The following ZGPAT variants were observed in gnomAD, a reference collection of about 807,000 sequenced individuals.
The protein encoded by ZGPAT is zinc finger CCCH-type and G-patch domain containing, also known as zinc finger CCCH-type with G patch domain-containing protein.
ZGPAT carries 39 observed loss-of-function variants against 47.9 expected under a neutral mutation model. That is an observed-to-expected ratio of 0.81 (90% CI 0.63 to 1.06). The LOEUF is 1.06. Among genes scored for constraint, ZGPAT ranks in the 50% least tolerant of loss-of-function variants. The pLI is 0.00. For synonymous variants in ZGPAT, 348 were observed against 292.9 expected, an observed-to-expected ratio of 1.19 and a Z score of -1.92; for missense variants, 717 against 681.4, an observed-to-expected ratio of 1.05 and a Z score of -0.58.
chr20:63,734,127 G>T (rs1382124961), intron 4 of ZGPAT: 1 of 291,350 alleles, frequency 3.4e-6, no homozygotes. Context: ...GACAGAGGTT[G>T]TGTCCAGACA....
intron 2 of ZGPAT, among the ~76,000 whole-genome samples, chr20:63,709,852 A>G (rs531894096): frequency 6.6e-6 from 1 of 150,710 alleles, no homozygotes; most frequent in East Asian, 2.0e-4. Context: ...TAATTTTTAT[A>G]TTACTATAAT....
chr20:63,720,011 G>T (rs1417840471), intron 2 of ZGPAT, among the ~76,000 whole-genome samples: 1 of 151,944 alleles, frequency 6.6e-6, no homozygotes, highest in Non-Finnish European at 1.5e-5. Context: ...CAAAATGCTG[G>T]GATTACAGAT....
chr20:63,715,518 C>T (rs978293228), intron 2 of ZGPAT, among the ~76,000 whole-genome samples: 3 of 152,074 alleles, frequency 2.0e-5, no homozygotes, highest in Non-Finnish European at 4.4e-5. Context: ...GGATTACAGG[C>T]GTGAGCCACC....
chr20:63,708,794 G>A lies in ZGPAT; in HGVS notation c.214G>A (p.Gly72Ser). The change falls in exon 2 of 7, where the codon GGC (glycine) becomes AGC (serine). Residue 72 changes from glycine to serine, a missense_variant. Physicochemically the swap from Gly to Ser is moderately conservative, Grantham distance 56. Transcript: ENST00000355969. ...GGCCGCGCTGGACGAAGAGCGCCCG[G>A]GCCGCCAGGAAGATGCTGAGTACCA... The part of the protein sequence containing the change: ...LLAALDEERP[G>S]RQEDAEYQAF... 2 of 1,606,240 alleles carry A rather than the reference G, an allele frequency of 1.2e-6. No homozygotes were observed. Among genetic ancestry groups the A allele is most frequent in the Non-Finnish European group, 8.5e-7 (1 of 1,174,684 alleles).
In ZGPAT at chr20:63,735,282, C is replaced by A. The variant is rs760436621; in HGVS notation, c.1115C>A (p.Thr372Asn). The A allele has an allele frequency of 1.2e-6, 2 of 1,606,022 alleles. No homozygotes were observed. The highest frequency in any genetic ancestry group is 1.7e-6 in the Non-Finnish European group (2 of 1,176,286). Residue 372 changes from threonine to asparagine, a missense_variant, in exon 6 of 7, where the codon ACC (threonine) becomes AAC (asparagine). Transcript: ENST00000355969. ...QKQTRVGKAG[T>N]NKPPRCRGRG... The stretch of plus-strand genomic sequence containing the variant: ...CAGACCAGGGTTGGCAAGGCTGGCA[C>A]CAACAAGCCCCCCAGGTGCCGGGGA...
In ZGPAT at chr20:63,733,287, T is replaced by G; in HGVS notation, c.653T>G (p.Leu218Arg). 6.2e-7 allele frequency: 1 copy of G among 1,613,744 alleles called. No homozygotes were observed. Among genetic ancestry groups the G allele is most frequent in the Non-Finnish European group, 8.5e-7 (1 of 1,179,964 alleles). The change falls in exon 3 of 7, where the codon CTG (leucine) becomes CGG (arginine). Residue 218 changes from leucine to arginine, a missense_variant. Coordinates refer to ENST00000355969, the MANE Select transcript of ZGPAT (RefSeq NM_181485.3). ...TTCCAGGACCCAGACCTGAGCTCCCTGCAGGCCGGCTCTGCGTGTCTGGCC... is the reference window on the plus strand; with the variant it reads ...TTCCAGGACCCAGACCTGAGCTCCCGGCAGGCCGGCTCTGCGTGTCTGGCC... ...RPFQDPDLSS[L>R]QAGSACLAKH...
chr20:63,724,673 A>ATTTT lies in ZGPAT; in HGVS notation c.585-8531_585-8528dup, dbSNP rs34414685. Among the ~76,000 whole-genome samples the ATTTT allele has an allele frequency of 8.0e-5, 11 of 137,434 alleles. 1 individual carries two copies. Among genetic ancestry groups the ATTTT allele is most frequent in the African/African-American group, 2.5e-4 (9 of 36,576 alleles). 90.2% of individuals were successfully genotyped at this position (137,434 alleles called of 152,430 possible). ...TTTAGTCTGAAGAACTTCATTTAGA[A>ATTTT]TTTTTTTTTTTTTTTTTTGAGACAA... is the stretch of plus-strand genomic sequence containing the variant. On this transcript the variant is annotated intron_variant, in intron 2 of 6. Transcript: ENST00000355969.
At chr20:63,721,517 G>A (rs1568791232) in intron 2 of ZGPAT, among the ~76,000 whole-genome samples, 2 of 152,118 alleles carry the variant, frequency 1.3e-5, no homozygotes, top group Admixed American at 6.5e-5. Context: ...TGAAAGTTGA[G>A]GGCCTCCTCA....
At chr20:63,709,618 C>T (rs1235382714) in intron 2 of ZGPAT, among the ~76,000 whole-genome samples, 2 of 152,094 alleles carry the variant, frequency 1.3e-5, no homozygotes, top group East Asian at 3.9e-4. Context: ...GCCCGAGCAG[C>T]AGTGCAAGGC....
Position 63,708,981 on chromosome 20 carries a change from T to G in ZGPAT, c.401T>G (p.Val134Gly). ...EDEEELSGTK[V>G]SAPYYSSWGT... ...GAGGAAGAGCTGAGTGGGACAAAGGTGAGCGCGCCCTACTACAGCTCCTGG... is the reference window on the plus strand; with the variant it reads ...GAGGAAGAGCTGAGTGGGACAAAGGGGAGCGCGCCCTACTACAGCTCCTGG... Residue 134 changes from valine to glycine, a missense_variant, in exon 2 of 7, where the codon GTG (valine) becomes GGG (glycine). Val to Gly is a moderately radical substitution (Grantham distance 109). Transcript: ENST00000355969. 6.2e-7 allele frequency: 1 copy of G among 1,613,006 alleles called. No individual in the cohort carries two copies. Among genetic ancestry groups the G allele is most frequent in the Non-Finnish European group, 8.5e-7 (1 of 1,179,856 alleles).
chr20:63,727,227 GAT>G (rs2091853923), intron 2 of ZGPAT, among the ~76,000 whole-genome samples: 1 of 39,216 alleles, frequency 2.5e-5, no homozygotes, highest in Non-Finnish European at 5.8e-5. Context: ...ATTTCCATTT[GAT>G]TTTTTTTTTT....
rs528455851 is a variant in ZGPAT at position 63,712,633 on chromosome 20, C to A, written c.584+3469C>A. The stretch of plus-strand genomic sequence containing the variant: ...CCTTCTGGCTGGGTGTGGTGGCTGA[C>A]GCCTGTAATCCCAGTACTTTGGGAG... On this transcript the variant is annotated intron_variant, in intron 2 of 6. Transcript: ENST00000355969. 3.9e-5 allele frequency among the ~76,000 whole-genome samples: 6 copies of A among 152,236 alleles called. No homozygotes were observed. The East Asian group carries it at 1.2e-3, about 29-fold the overall frequency.
At chr20:63,712,662 G>T (rs1170145252) in intron 2 of ZGPAT, among the ~76,000 whole-genome samples, 2 of 152,202 alleles carry the variant, frequency 1.3e-5, no homozygotes, top group African/African-American at 4.8e-5. Context: ...TTGGGAGGCT[G>T]AGGCGGGCAT....
intron 2 of ZGPAT, among the ~76,000 whole-genome samples, chr20:63,732,100 T>TGCGGGC (rs2091910961): frequency 2.0e-5 from 3 of 151,974 alleles, no homozygotes; most frequent in Non-Finnish European, 4.4e-5. Flanking sequence ...CATGTATGTG[T>TGCGGGC]ATATGCATAT....
chr20:63,731,225 G>C (rs1405173092), intron 2 of ZGPAT, among the ~76,000 whole-genome samples: 1 of 152,070 alleles, frequency 6.6e-6, no homozygotes, highest in Non-Finnish European at 1.5e-5. Context: ...GGACACACGG[G>C]GCATATTCTG....
At chr20:63,716,454 A>G (rs2091729658) in intron 2 of ZGPAT, among the ~76,000 whole-genome samples, 1 of 151,580 alleles carries the variant, frequency 6.6e-6, no homozygotes, top group South Asian at 2.1e-4. Context: ...TTTCTGTAAG[A>G]TCAGTAGTAA....
rs1456953260 is a variant in ZGPAT at position 63,708,721 on chromosome 20, C to G, written c.141C>G (p.Ile47Met). ...RQLQGDLKEL[I>M]ELTEASLVSV... ...TGCAGGGGGACCTGAAGGAGCTCAT[C>G]GAGCTCACCGAGGCCAGCCTGGTGT... The change falls in exon 2 of 7, where the codon ATC becomes ATG. Residue 47 changes from isoleucine (I) to methionine (M), a missense_variant. Physicochemically the swap from Ile to Met is conservative, Grantham distance 10. Coordinates refer to ENST00000355969, the MANE Select transcript of ZGPAT (RefSeq NM_181485.3). 1.8e-5 allele frequency: 29 copies of G among 1,612,638 alleles called. No individual in the cohort carries two copies. Among genetic ancestry groups the G allele is most frequent in the African/African-American group, 4.0e-5 (3 of 74,924 alleles).
intron 2 of ZGPAT, among the ~76,000 whole-genome samples, chr20:63,720,297 A>AAGT (rs2091774614): frequency 3.3e-5 from 5 of 151,990 alleles, no homozygotes; most frequent in African/African-American, 4.8e-5. Flanking sequence ...CTGGGACTAT[A>AAGT]GGTGCGTGCC....
chr20:63,724,463 C>G (rs2091822939), intron 2 of ZGPAT, among the ~76,000 whole-genome samples: 1 of 151,894 alleles, frequency 6.6e-6, no homozygotes. Flanking sequence ...AGGAGGATCA[C>G]TTGAGGCCAG....
Sources: gnomAD v4.1 joint callset for allele counts (sites outside exome capture counted in the v4.1 genomes callset) on GRCh38, gnomAD v4.1.1 for gene constraint, MANE v1.5 for transcripts, NCBI Gene and HGNC (gene_info 2026-07-23, HGNC 2026-07-21) for gene names.